IFITM10: variants seen among roughly 807,000 people sequenced by gnomAD.
IFITM10 encodes the protein interferon-induced transmembrane protein 10.
In IFITM10, 17 loss-of-function variants were observed where a neutral mutation model predicts 19.0. The observed-to-expected ratio is 0.90, with a 90% CI of 0.61 to 1.34. IFITM10 has a LOEUF of 1.34. Among genes scored for constraint, IFITM10 ranks in the 40% most tolerant of loss-of-function variants. The pLI, the probability that IFITM10 is intolerant of heterozygous loss-of-function variation, is 0.00. For missense variants in IFITM10, 306 were observed against 319.8 expected (o/e 0.96, Z 0.33); for synonymous variants, 148 against 147.2 (o/e 1.01, Z -0.04).
At chr11:1,744,167 G>A (rs1439316026) in intron 2 of IFITM10, among the ~76,000 whole-genome samples, 1 of 152,208 alleles carries the variant, frequency 6.6e-6, no homozygotes, top group Non-Finnish European at 1.5e-5. Flanking sequence ...ACACTGTGGT[G>A]CTTCTTCCGT....
At chr11:1,748,900 G>T in intron 1 of IFITM10, 1 of 279,680 alleles carries the variant, frequency 3.6e-6, no homozygotes, top group Non-Finnish European at 5.5e-6. Flanking sequence ...CGCGCTCTGC[G>T]CCACCCCGCG....
rs116969666 is a variant in IFITM10, at chr11:1,734,684, C to T, written c.*596G>A. ...CTGTGATGGAGCAGACCGTCCCCTG[C>T]AGTCTGTTGGGACACAGCACCCGGG... is the stretch of plus-strand genomic sequence containing the variant. On this transcript the variant is annotated 3_prime_UTR_variant, in exon 3 of 3. Coordinates refer to ENST00000340134, the MANE Select transcript of IFITM10 (RefSeq NM_001170820.4). 1,658 of 152,564 alleles carry T rather than the reference C, an allele frequency of 0.011. 15 individuals carry two copies. Among genetic ancestry groups the T allele is most frequent in the Non-Finnish European group, 0.016 (1,108 of 68,246 alleles). 9.5% of individuals were successfully genotyped at this position (152,564 alleles called of 1,614,324 possible). A position where few individuals can be genotyped will look rare whatever the true frequency, so the allele number is the denominator to read the frequency against.
In IFITM10 at chr11:1,746,745, C is replaced by G. The variant is rs575387146; in HGVS notation, c.537+922G>C. Reference sequence around the variant, plus strand: ...TGCATCCCCTGTCTTCTCCCCCACCCGGCAGGGCAGCTGCATTGGTGGAGT... The same window carrying G: ...TGCATCCCCTGTCTTCTCCCCCACCGGGCAGGGCAGCTGCATTGGTGGAGT... On this transcript the variant is annotated intron_variant, in intron 2 of 2. Coordinates refer to ENST00000340134, the MANE Select transcript of IFITM10 (RefSeq NM_001170820.4). The G allele has an allele frequency of 7.5e-6, 3 of 398,934 alleles. No individual in the cohort carries two copies. The East Asian group carries it at 1.1e-4, about 14-fold the overall frequency. The allele number at this position is 398,934 out of a possible 1,614,324, so 24.7% of individuals were successfully genotyped here.
chr11:1,736,840 G>A (rs1269504041), intron 2 of IFITM10, among the ~76,000 whole-genome samples: 1 of 151,932 alleles, frequency 6.6e-6, no homozygotes, highest in African/African-American at 2.4e-5. Context: ...TGGATGGAGT[G>A]GAGTCAATGG....
intron 1 of IFITM10, chr11:1,749,087 G>T: frequency 8.7e-7 from 1 of 1,145,268 alleles, no homozygotes; most frequent in Non-Finnish European, 1.1e-6. Flanking sequence ...CGTCCCGCGG[G>T]CCGCTGTCTG....
In IFITM10 at chr11:1,747,787, G is replaced by C; in HGVS notation, c.417C>G (p.Thr139=). 6.4e-7 allele frequency: 1 copy of C among 1,551,422 alleles called. No homozygotes were observed. Among genetic ancestry groups the C allele is most frequent in the Non-Finnish European group, 8.7e-7 (1 of 1,146,698 alleles). The change falls in exon 2 of 3, where the codon ACC becomes ACG. Residue 139 remains threonine (T), a synonymous_variant. Transcript: ENST00000340134. The stretch of plus-strand genomic sequence containing the variant: ...TGGTGTCCGGGTAGACCTCGATGAC[G>C]GTCGTGGGGTTGGTCATCGTCTTCT... ...AEKKTMTNPT[T]VIEVYPDTTE... is the part of the protein sequence containing the mutation.
rs1021902304 is a variant in IFITM10 at position 1,749,650 on chromosome 11, C to T, written c.84+709G>A. Reference sequence around the variant, plus strand: ...TTCCAGCAGCTCAGTCCCCTCCTGACGAAGCTCCAGTCCCCTGAGCCCCAG... The same window carrying T: ...TTCCAGCAGCTCAGTCCCCTCCTGATGAAGCTCCAGTCCCCTGAGCCCCAG... On this transcript the variant is annotated intron_variant, in intron 1 of 2. Transcript: ENST00000340134. 3.9e-5 allele frequency among the ~76,000 whole-genome samples: 6 copies of T among 152,012 alleles called. No individual in the cohort carries two copies. The East Asian group carries it at 5.8e-4, about 15-fold the overall frequency.
At chr11:1,744,636 G>T in intron 2 of IFITM10, 1 of 144,746 alleles carries the variant, frequency 6.9e-6, no homozygotes. Context: ...TGGCCCATGT[G>T]GGTGGGGGGG....
At chr11:1,746,227 T>G (rs967309660) in intron 2 of IFITM10, 9 of 222,468 alleles carry the variant, frequency 4.0e-5, no homozygotes, top group Non-Finnish European at 7.0e-5. Flanking sequence ...CCTCACACAC[T>G]TGTGCACACA....
chr11:1,733,354 ACT>A lies in IFITM10; in HGVS notation c.*1924_*1925del, dbSNP rs1271488264. On this transcript the variant is annotated 3_prime_UTR_variant, in exon 3 of 3. Transcript: ENST00000340134. This position sits in a 1 kb window ranked among gnomAD's most constrained non-coding sequence, Gnocchi z 6.3. Reference sequence around the variant, plus strand: ...GGTCCCCACCCTGTCCCCTCTCTCGACTCTGACCCCCAAGCCCTCCCATTTTG... The same window carrying A: ...GGTCCCCACCCTGTCCCCTCTCTCGACTGACCCCCAAGCCCTCCCATTTTG... 1.3e-5 allele frequency: 2 copies of A among 148,996 alleles called. No individual in the cohort carries two copies. The highest frequency in any genetic ancestry group is 5.0e-5 in the African/African-American group (2 of 40,052). The allele number at this position is 148,996 out of a possible 1,614,324, so 9.2% of individuals were successfully genotyped here.
In IFITM10 at chr11:1,747,890, G is replaced by A; in HGVS notation, c.314C>T (p.Pro105Leu). ...GGTCTTGCTGCTCTTGGACTCCATG[G>A]GGAACAGTGTGGGCGCCATCGGGGG... ...ASPPMAPTLF[P>L]MESKSSKTDS... is the part of the protein sequence containing the mutation. The change falls in exon 2 of 3, where the codon CCC (proline) becomes CTC (leucine). Residue 105 changes from proline to leucine, a missense_variant. Transcript: ENST00000340134. 2 of 1,525,668 alleles carry A rather than the reference G, an allele frequency of 1.3e-6. No individual in the cohort carries two copies. Among genetic ancestry groups the A allele is most frequent in the Admixed American group, 2.0e-5 (1 of 49,292 alleles). The allele number at this position is 1,525,668 out of a possible 1,614,324, so 94.5% of individuals were successfully genotyped here.
intron 1 of IFITM10, chr11:1,749,088 C>T (rs960570965): frequency 6.1e-6 from 7 of 1,145,246 alleles, no homozygotes; most frequent in Non-Finnish European, 7.7e-6. Context: ...GTCCCGCGGG[C>T]CGCTGTCTGT....
intron 2 of IFITM10, among the ~76,000 whole-genome samples, chr11:1,741,402 G>C (rs1395138547): frequency 6.6e-6 from 1 of 151,964 alleles, no homozygotes; most frequent in Non-Finnish European, 1.5e-5. Context: ...GCAGCCATGT[G>C]GGGGCAGGGG....
intron 1 of IFITM10, 92 bp downstream of exon 1, chr11:1,750,267 C>G: frequency 6.5e-7 from 1 of 1,541,950 alleles, no homozygotes; most frequent in South Asian, 1.2e-5. Flanking sequence ...CCATGAGTTC[C>G]TCCCCATGGA....
chr11:1,749,039 G>A, intron 1 of IFITM10: 1 of 1,103,022 alleles, frequency 9.1e-7, no homozygotes, highest in Non-Finnish European at 1.1e-6. Context: ...TCGGCGCGCG[G>A]CCGGACCCCC....
intron 1 of IFITM10, chr11:1,748,576 A>G (rs1319204384): frequency 6.6e-6 from 1 of 150,912 alleles, no homozygotes; most frequent in Non-Finnish European, 1.4e-5. Flanking sequence ...GACACCCGAT[A>G]CCGCCACGGG....
At position 1,733,573 on chromosome 11, in the gene IFITM10, T is replaced by A. The variant is rs1402126723; in HGVS notation, c.*1707A>T. On this transcript the variant is annotated 3_prime_UTR_variant, in exon 3 of 3. Transcript: ENST00000340134. The surrounding 1 kb of genome is among the most constrained non-coding windows in gnomAD (Gnocchi z 6.3). ...TGCCCTGTCCCCTGCGTTTGTCCCATCTGCTGCTAGCTCAAGGTCCTCCCT... is the reference window on the plus strand; with the variant it reads ...TGCCCTGTCCCCTGCGTTTGTCCCAACTGCTGCTAGCTCAAGGTCCTCCCT... The A allele has an allele frequency of 1.3e-5, 2 of 152,632 alleles. No individual in the cohort carries two copies. Among genetic ancestry groups the A allele is most frequent in the African/African-American group, 4.8e-5 (2 of 41,348 alleles). The allele number at this position is 152,632 out of a possible 1,614,324, so 9.5% of individuals were successfully genotyped here. A position where few individuals can be genotyped will look rare whatever the true frequency, so the allele number is the denominator to read the frequency against.
At chr11:1,746,544 C>T in intron 2 of IFITM10, 1 of 398,636 alleles carries the variant, frequency 2.5e-6, no homozygotes, top group Non-Finnish European at 4.4e-6. Context: ...TTGAAGGTGC[C>T]CGTGCCAGTG....
chr11:1,743,239 G>A (rs1845592531), intron 2 of IFITM10, among the ~76,000 whole-genome samples: 1 of 150,540 alleles, frequency 6.6e-6, no homozygotes, highest in Non-Finnish European at 1.5e-5. Context: ...AATGGAAGAT[G>A]GATGGATGGA....
Sources: allele counts gnomAD v4.1 joint callset (sites outside exome capture counted in the v4.1 genomes callset), GRCh38; gene constraint gnomAD v4.1.1; non-coding constraint Gnocchi (gnomAD v3.1); transcripts MANE v1.5; gene names NCBI Gene and HGNC (gene_info 2026-07-23, HGNC 2026-07-21).